SYNJ1: variants seen among roughly 807,000 people sequenced by gnomAD.
SYNJ1 encodes polyphosphatidylinositol phosphatase SYNJ1.
In SYNJ1, 78 loss-of-function variants were observed where a neutral mutation model predicts 168.2. The observed-to-expected ratio is 0.46, with a 90% confidence interval of 0.39 to 0.56. SYNJ1 has a LOEUF of 0.56. Ranked by LOEUF, SYNJ1 falls within the 20% of genes least tolerant of loss-of-function variation. SYNJ1 has a pLI of 0.00. For missense variants in SYNJ1, 1,303 were observed against 1,597.6 expected (o/e 0.82, Z 3.14); for synonymous variants, 539 against 548.6 (o/e 0.98, Z 0.24).
At chr21:32,639,636 G>T in intron 30 of SYNJ1, 35 bp downstream of exon 30, 1 of 1,570,162 alleles carries the variant, frequency 6.4e-7, no homozygotes, top group Non-Finnish European at 8.8e-7. Context: ...GGGCTCAAGT[G>T]ATCCTCCTGC....
chr21:32,696,818 C>A (rs2042229615), intron 4 of SYNJ1, among the ~76,000 whole-genome samples: 1 of 152,174 alleles, frequency 6.6e-6, no homozygotes, highest in Admixed American at 6.5e-5. Flanking sequence ...CCCCTCTTAT[C>A]CATCCAGGAA....
rs142455194 is a variant in SYNJ1, at chr21:32,664,922, A to G, written c.2295T>C (p.Asn765=). 31 of 1,609,062 alleles carry G rather than the reference A, an allele frequency of 1.9e-5. No homozygotes were observed. The highest frequency in any genetic ancestry group is 1.7e-4 in the South Asian group (15 of 90,716). ...TCAAGTATAGATATACCTGTCCAGCATTTTTCTGATTGATAAGTTGATCTC... is the reference window on the plus strand; with the variant it reads ...TCAAGTATAGATATACCTGTCCAGCGTTTTTCTGATTGATAAGTTGATCTC... ...IAGDQLINQK[N]AGQVFRGFLE... Residue 765 remains asparagine (N), a synonymous_variant, in exon 18 of 33, where the codon AAT becomes AAC. Coordinates refer to ENST00000674351, the MANE Select transcript of SYNJ1 (RefSeq NM_203446.3).
At chr21:32,688,862 G>A (rs1000958220) in intron 6 of SYNJ1, among the ~76,000 whole-genome samples, 1 of 152,126 alleles carries the variant, frequency 6.6e-6, no homozygotes, top group Non-Finnish European at 1.5e-5. Context: ...CAATACAAAT[G>A]TCTATGTGTT....
intron 2 of SYNJ1, among the ~76,000 whole-genome samples, chr21:32,705,027 TA>T (rs2042556554): frequency 1.3e-5 from 2 of 151,740 alleles, no homozygotes; most frequent in Admixed American, 1.3e-4. Context: ...CAGGCACATG[TA>T]GTCCCAGCTA....
At chr21:32,653,010 A>T (rs1258639710) in intron 22 of SYNJ1, among the ~76,000 whole-genome samples, 1 of 152,238 alleles carries the variant, frequency 6.6e-6, no homozygotes, top group East Asian at 1.9e-4. Context: ...AAAACTTTAA[A>T]ACTTTTTGCA....
intron 12 of SYNJ1, 125 bp downstream of exon 12, chr21:32,678,520 T>C (rs2041499657): frequency 9.4e-7 from 1 of 1,067,224 alleles, no homozygotes; most frequent in Middle Eastern, 3.0e-4. Flanking sequence ...TTTTCAAAAA[T>C]TACCTTTACA....
At position 32,646,501 on chromosome 21, in the gene SYNJ1, G is replaced by C. The variant is rs147931121; in HGVS notation, c.3139C>G (p.Arg1047Gly). The change falls in exon 24 of 33, where the codon CGA (arginine) becomes GGA (glycine). Residue 1047 changes from arginine to glycine, a missense_variant. Physicochemically the swap from Arg to Gly is moderately radical, Grantham distance 125. Coordinates refer to ENST00000674351, the MANE Select transcript of SYNJ1 (RefSeq NM_203446.3). Reference sequence around the variant, plus strand: ...GTAGGTGACTGGCAGGGACTAGTTCGGGGTGAAGAGCTGGGGGAAGTACCA... The same window carrying C: ...GTAGGTGACTGGCAGGGACTAGTTCCGGGTGAAGAGCTGGGGGAAGTACCA... ...GLGTSPSSSPRTSPCQSPTIS... is the reference protein window; with the variant it reads ...GLGTSPSSSPGTSPCQSPTIS... 1.5e-4 allele frequency: 244 copies of C among 1,614,008 alleles called. No homozygotes were observed. The highest frequency in any genetic ancestry group is 2.0e-4 in the Non-Finnish European group (236 of 1,180,024).
chr21:32,701,551 A>G (rs1381387822), intron 3 of SYNJ1, among the ~76,000 whole-genome samples: 6 of 152,172 alleles, frequency 3.9e-5, no homozygotes, highest in Non-Finnish European at 7.3e-5. Context: ...TGGCAAAAAA[A>G]AAAAAAAGGC....
chr21:32,710,771 C>T (rs949066740), intron 2 of SYNJ1, among the ~76,000 whole-genome samples: 2 of 152,142 alleles, frequency 1.3e-5, no homozygotes, highest in African/African-American at 4.8e-5. Context: ...CTTCCCAAGG[C>T]TCTCAAACAC....
chr21:32,708,281 C>T (rs2042688472), intron 2 of SYNJ1, among the ~76,000 whole-genome samples: 1 of 152,152 alleles, frequency 6.6e-6, no homozygotes, highest in Non-Finnish European at 1.5e-5. Flanking sequence ...AATGAAAGTT[C>T]GGAAGATACC....
chr21:32,704,855 A>G (rs2146254662), intron 2 of SYNJ1, among the ~76,000 whole-genome samples: 1 of 152,250 alleles, frequency 6.6e-6, no homozygotes, highest in African/African-American at 2.4e-5. Context: ...GTTGATTAGA[A>G]TTGGAGTTAC....
intron 2 of SYNJ1, among the ~76,000 whole-genome samples, chr21:32,715,053 T>C (rs1204879159): frequency 6.6e-6 from 1 of 152,140 alleles, no homozygotes; most frequent in Non-Finnish European, 1.5e-5. Context: ...AGAGAATTGA[T>C]AAAACTGGGA....
At chr21:32,641,217 T>C (rs955910469) in intron 29 of SYNJ1, among the ~76,000 whole-genome samples, 22 of 152,210 alleles carry the variant, frequency 1.4e-4, no homozygotes, top group African/African-American at 4.8e-4. Flanking sequence ...GGCCTCTCAG[T>C]AGTCCCAGCT....
At chr21:32,638,682 G>C (rs1238942130) in intron 31 of SYNJ1, among the ~76,000 whole-genome samples, 2 of 152,016 alleles carry the variant, frequency 1.3e-5, no homozygotes, top group African/African-American at 2.4e-5. Context: ...GGGAGACAGA[G>C]CAAGACTTCG....
intron 10 of SYNJ1, among the ~76,000 whole-genome samples, chr21:32,682,516 A>G (rs1260321987): frequency 1.3e-5 from 2 of 152,206 alleles, no homozygotes; most frequent in Non-Finnish European, 2.9e-5. Flanking sequence ...TTAATTACCT[A>G]GAGACTTACA....
chr21:32,694,276 T>C lies in SYNJ1; in HGVS notation c.741A>G (p.Ile247Met), dbSNP rs1477089702. The change falls in exon 6 of 33, where the codon ATA becomes ATG. Residue 247 changes from isoleucine to methionine, a missense_variant. By Grantham distance (10) the Ile-to-Met change is conservative (BLOSUM62 1). Transcript: ENST00000674351. ...ACAATGGAACAGATCCTCGGATTTG[T>C]ATGAAGGAAGAAACTGAGTCATCTA... Reference protein sequence around the residue: ...VYLDDSVSSFIQIRGSVPLFW... With the variant: ...VYLDDSVSSFMQIRGSVPLFW... 1 of 1,570,066 alleles carries C rather than the reference T, an allele frequency of 6.4e-7. No individual in the cohort carries two copies. The highest frequency in any genetic ancestry group is 1.4e-5 in the African/African-American group (1 of 71,978).
chr21:32,728,288 A>G, upstream of SYNJ1: 1 of 465,402 alleles, frequency 2.1e-6, no homozygotes, highest in Non-Finnish European at 3.8e-6. Flanking sequence ...TCAGAGCGTG[A>G]GCGCCGGGGA....
intron 2 of SYNJ1, among the ~76,000 whole-genome samples, chr21:32,712,824 T>C (rs1200007012): frequency 2.6e-5 from 4 of 152,188 alleles, no homozygotes; most frequent in African/African-American, 9.7e-5. Context: ...ACTGAGGAAG[T>C]GACCTTTATA....
chr21:32,691,059 T>TACA, intron 6 of SYNJ1, among the ~76,000 whole-genome samples: 1 of 152,352 alleles, frequency 6.6e-6, no homozygotes, highest in African/African-American at 2.4e-5. Flanking sequence ...GGGTAGACCT[T>TACA]ACAATGTTTA....
Sources: gnomAD v4.1 joint callset for allele counts (sites outside exome capture counted in the v4.1 genomes callset) on GRCh38, gnomAD v4.1.1 for gene constraint, MANE v1.5 for transcripts, NCBI Gene and HGNC (gene_info 2026-07-23, HGNC 2026-07-21) for gene names.